Variants in PDHX observed in about 807,000 individuals in gnomAD.
PDHX encodes the protein pyruvate dehydrogenase complex component X.
PDHX carries 33 observed loss-of-function variants against 55.3 expected under a neutral mutation model. The ratio of observed to expected loss-of-function variants is 0.60; its 90% CI spans 0.45 to 0.80. The LOEUF is 0.80. Ranked by LOEUF, PDHX falls within the 30% of genes least tolerant of loss-of-function variation. The pLI is 0.00. For missense variants in PDHX, 622 were observed against 619.9 expected, an observed-to-expected ratio of 1.00 and a Z score of -0.04; for synonymous variants, 226 against 219.4, an observed-to-expected ratio of 1.03 and a Z score of -0.27.
chr11:34,992,492 ATACT>A (rs1308761198), intron 10 of PDHX, 113 bp downstream of exon 10: 1 of 661,912 alleles, frequency 1.5e-6, no homozygotes, highest in Non-Finnish European at 2.7e-6. Context: ...TAAGCTAAAA[ATACT>A]TTATTTAGAC....
chr11:34,916,525 G>A (rs1853706592), upstream of PDHX: 10 of 1,141,774 alleles, frequency 8.8e-6, no homozygotes, highest in Admixed American at 2.7e-5. Context: ...TGGGTTGGGG[G>A]GCGGGGGTTC....
At chr11:34,926,022 G>A (rs1854011066) in intron 1 of PDHX, among the ~76,000 whole-genome samples, 1 of 152,086 alleles carries the variant, frequency 6.6e-6, no homozygotes, top group African/African-American at 2.4e-5. Flanking sequence ...AGCATGCCAA[G>A]ACCTGTAAAT....
At position 34,916,702 on chromosome 11, in the gene PDHX, A is replaced by C. The variant is rs118136428; in HGVS notation, c.47A>C (p.Tyr16Ser). The C allele has an allele frequency of 1.2e-3, 1,917 of 1,612,880 alleles. 14 individuals are homozygous for C. The East Asian group carries it at 0.017, about 15-fold the overall frequency. Reference protein sequence around the residue: ...RLGCDPRLLRYLVGFPGRRSV... With the variant: ...RLGCDPRLLRSLVGFPGRRSV... ...GGCTGTGATCCGCGGCTGCTGCGTT[A>C]TCTTGTGGGCTTCCCCGGCCGCCGA... The change falls in exon 1 of 11, where the codon TAT (tyrosine) becomes TCT (serine). Residue 16 changes from tyrosine to serine, a missense_variant. Physicochemically the swap from Tyr to Ser is moderately radical, Grantham distance 144 (BLOSUM62 -2). Coordinates refer to ENST00000227868, the MANE Select transcript of PDHX (RefSeq NM_003477.3).
chr11:34,985,869 C>T (rs977193466), intron 9 of PDHX, among the ~76,000 whole-genome samples: 1 of 152,156 alleles, frequency 6.6e-6, no homozygotes, highest in Non-Finnish European at 1.5e-5. Flanking sequence ...AAAGCATACC[C>T]ATAAATACTG....
chr11:34,948,000 C>T (rs941681485), intron 3 of PDHX, among the ~76,000 whole-genome samples: 7 of 152,166 alleles, frequency 4.6e-5, no homozygotes, highest in Admixed American at 3.3e-4. Context: ...GCATCTAAGA[C>T]TGTGGACTCT....
intron 6 of PDHX, among the ~76,000 whole-genome samples, chr11:34,968,227 C>T (rs938264542): frequency 6.8e-6 from 1 of 147,808 alleles, no homozygotes; most frequent in South Asian, 2.1e-4. Context: ...GCTATGTGCA[C>T]TCCAGCCTGG....
At chr11:34,936,939 C>A (rs1854335051) in intron 2 of PDHX, among the ~76,000 whole-genome samples, 1 of 151,870 alleles carries the variant, frequency 6.6e-6, no homozygotes, top group South Asian at 2.1e-4. Flanking sequence ...CAGGCGAGCA[C>A]CACCATGCCC....
At chr11:34,931,379 C>T (rs371909128) in intron 1 of PDHX, 25 bp from the exon 2 acceptor site, 24 of 1,318,360 alleles carry the variant, frequency 1.8e-5, no homozygotes, top group African/African-American at 1.7e-4. Flanking sequence ...TGTTGTGGCT[C>T]ATCTTTCCTT....
At chr11:34,974,407 G>A (rs1272998597) in intron 7 of PDHX, among the ~76,000 whole-genome samples, 1 of 152,110 alleles carries the variant, frequency 6.6e-6, no homozygotes, top group Non-Finnish European at 1.5e-5. Context: ...TAATTCATGT[G>A]TTAATGGATA....
intron 1 of PDHX, among the ~76,000 whole-genome samples, chr11:34,930,866 T>G (rs998162215): frequency 4.6e-5 from 7 of 152,362 alleles, no homozygotes; most frequent in Non-Finnish European, 8.8e-5. Flanking sequence ...CTTTCATACT[T>G]ATTAGTAGGA....
chr11:34,941,888 C>A, intron 2 of PDHX: 1 of 154,412 alleles, frequency 6.5e-6, no homozygotes, highest in South Asian at 2.0e-4. Context: ...GCTCTGGCCC[C>A]TCCTGGGGCC....
intron 8 of PDHX, among the ~76,000 whole-genome samples, chr11:34,983,956 C>G (rs189648989): frequency 1.3e-5 from 2 of 152,148 alleles, no homozygotes; most frequent in South Asian, 4.1e-4. Flanking sequence ...AAAAAGAACC[C>G]GCATTGCCAA....
At chr11:34,989,640 G>T (rs139243697) in intron 9 of PDHX, among the ~76,000 whole-genome samples, 1 of 152,140 alleles carries the variant, frequency 6.6e-6, no homozygotes, top group Non-Finnish European at 1.5e-5. Context: ...CCCTCTGATC[G>T]TCACTTGGCT....
At chr11:34,941,138 C>T (rs896284738) in intron 2 of PDHX, among the ~76,000 whole-genome samples, 7 of 152,188 alleles carry the variant, frequency 4.6e-5, no homozygotes, top group African/African-American at 1.2e-4. Flanking sequence ...CTCAAACTCT[C>T]CTACTCATGC....
chr11:34,933,038 A>G (rs956335224), intron 2 of PDHX, among the ~76,000 whole-genome samples: 9 of 152,224 alleles, frequency 5.9e-5, no homozygotes, highest in South Asian at 2.1e-4. Flanking sequence ...TAGAAAGGAT[A>G]AAATAAAACT....
At chr11:34,924,269 C>A (rs985721120) in intron 1 of PDHX, among the ~76,000 whole-genome samples, 1 of 152,034 alleles carries the variant, frequency 6.6e-6, no homozygotes, top group Non-Finnish European at 1.5e-5. Flanking sequence ...TTAGATGGAG[C>A]CTTACTCTGT....
chr11:34,931,370 G>A (rs1459517099), intron 1 of PDHX, 34 bp from the exon 2 acceptor site: 2 of 1,180,982 alleles, frequency 1.7e-6, no homozygotes, highest in African/African-American at 3.0e-5. Context: ...TGCATTATTT[G>A]TTGTGGCTCA....
rs548215876 is a variant in PDHX, at chr11:34,989,269, G to A, written c.1183-3046G>A. Among the ~76,000 whole-genome samples, 7 of 152,318 alleles carry A rather than the reference G, an allele frequency of 4.6e-5. No individual in the cohort carries two copies. The South Asian group carries it at 1.2e-3, about 27-fold the overall frequency. Reference sequence around the variant, plus strand: ...TCTTTGTCTTAAGTGTCCTTATGCGGCACATGACTGCATGTATAGAGTTCA... The same window carrying A: ...TCTTTGTCTTAAGTGTCCTTATGCGACACATGACTGCATGTATAGAGTTCA... On this transcript the variant is annotated intron_variant, in intron 9 of 10. Transcript: ENST00000227868.
Position 34,935,205 on chromosome 11 carries a change from G to A in PDHX, c.241+3721G>A, listed in dbSNP as rs193211474. ...TTTTAATATATTTTTTAAAGGTTGT[G>A]CATAGTGCTTTCAGGATATAATTTG... On this transcript the variant is annotated intron_variant, in intron 2 of 10. Coordinates refer to ENST00000227868, the MANE Select transcript of PDHX (RefSeq NM_003477.3). Among the ~76,000 whole-genome samples, 306 of 151,926 alleles carry A rather than the reference G, an allele frequency of 2.0e-3. 2 individuals carry two copies. The highest frequency in any genetic ancestry group is 3.4e-3 in the Middle Eastern group (1 of 294).
Sources: gnomAD v4.1 joint callset for allele counts (sites outside exome capture counted in the v4.1 genomes callset) on GRCh38, gnomAD v4.1.1 for gene constraint, MANE v1.5 for transcripts, NCBI Gene and HGNC (gene_info 2026-07-23, HGNC 2026-07-21) for gene names.